Variants in BCKDHB observed in about 807,000 individuals in gnomAD.
BCKDHB encodes the protein 2-oxoisovalerate dehydrogenase subunit beta, mitochondrial.
Under a neutral mutation model 48.5 loss-of-function variants are expected in BCKDHB, and 41 were observed. The ratio of observed to expected loss-of-function variants is 0.85; its 90% CI spans 0.66 to 1.10. The LOEUF is 1.10. Ranked by LOEUF, BCKDHB falls within the 50% of genes least tolerant of loss-of-function variation. The pLI, the probability that BCKDHB is intolerant of heterozygous loss-of-function variation, is 0.00. For missense variants in BCKDHB, 496 were observed against 494.2 expected (o/e 1.00, Z -0.03); for synonymous variants, 201 against 174.8 (o/e 1.15, Z -1.18).
intron 8 of BCKDHB, among the ~76,000 whole-genome samples, chr6:80,246,952 C>G (rs1279276455): frequency 1.3e-5 from 2 of 151,862 alleles, no homozygotes; most frequent in African/African-American, 4.8e-5. Flanking sequence ...TAGTTAGACA[C>G]TTTGGTCCTT....
intron 8 of BCKDHB, among the ~76,000 whole-genome samples, chr6:80,244,829 A>G (rs978962730): frequency 6.6e-6 from 1 of 152,194 alleles, no homozygotes; most frequent in Non-Finnish European, 1.5e-5. Context: ...ACAAAAGATA[A>G]CTGTTTCTTT....
chr6:80,122,434 C>G (rs1017248608), intron 1 of BCKDHB, among the ~76,000 whole-genome samples: 2 of 152,086 alleles, frequency 1.3e-5, no homozygotes, highest in African/African-American at 2.4e-5. Context: ...CGGGGGAACC[C>G]ACCCCCAATA....
chr6:80,170,628 C>T (rs1161084518), intron 5 of BCKDHB, among the ~76,000 whole-genome samples: 1 of 152,138 alleles, frequency 6.6e-6, no homozygotes, highest in Admixed American at 6.6e-5. Flanking sequence ...GAGTGCTTGG[C>T]CAAGTTTACA....
intron 8 of BCKDHB, among the ~76,000 whole-genome samples, chr6:80,224,434 A>C: frequency 6.6e-6 from 1 of 151,724 alleles, no homozygotes. Context: ...ACTGTGTTGC[A>C]CAGGCCGCAG....
intron 8 of BCKDHB, among the ~76,000 whole-genome samples, chr6:80,205,364 G>T (rs960853752): frequency 6.6e-6 from 1 of 151,684 alleles, no homozygotes; most frequent in Non-Finnish European, 1.5e-5. Context: ...TCATTAGATC[G>T]CTGAGTTTTA....
At chr6:80,127,489 C>A in intron 1 of BCKDHB, 58 bp from the exon 2 acceptor site, 1 of 1,364,368 alleles carries the variant, frequency 7.3e-7, no homozygotes, top group Non-Finnish European at 1.0e-6. Context: ...TGTTAAGAAA[C>A]TGGTTGTTTT....
At chr6:80,386,557 C>G in the BCKDHB span, among the ~76,000 whole-genome samples, 1 of 152,088 alleles carries the variant, frequency 6.6e-6, no homozygotes, top group East Asian at 1.9e-4. Flanking sequence ...TGTAGTCACT[C>G]AACTACAAAA....
chr6:80,181,626 A>G (rs1248871193), intron 6 of BCKDHB, among the ~76,000 whole-genome samples: 4 of 152,166 alleles, frequency 2.6e-5, no homozygotes, highest in South Asian at 2.1e-4. Context: ...GCTTTGGTCT[A>G]TCTGTCCCTT....
chr6:80,229,744 A>G (rs1308919606), intron 8 of BCKDHB, among the ~76,000 whole-genome samples: 1 of 152,168 alleles, frequency 6.6e-6, no homozygotes, highest in African/African-American at 2.4e-5. Flanking sequence ...TTGAAATACA[A>G]TGACTGTTTA....
At chr6:80,337,875 G>A (rs1429196296) in intron 9 of BCKDHB, among the ~76,000 whole-genome samples, 1 of 152,116 alleles carries the variant, frequency 6.6e-6, no homozygotes, top group Non-Finnish European at 1.5e-5. Flanking sequence ...CTTATGATAT[G>A]TTTCTTAGTA....
At chr6:80,383,627 T>A in the BCKDHB span, among the ~76,000 whole-genome samples, 1 of 151,966 alleles carries the variant, frequency 6.6e-6, no homozygotes, top group Non-Finnish European at 1.5e-5. Flanking sequence ...AAATCCAAGT[T>A]CTTTTTTTTC....
the BCKDHB span, among the ~76,000 whole-genome samples, chr6:80,435,963 G>A: frequency 2.0e-5 from 3 of 152,156 alleles, no homozygotes; most frequent in African/African-American, 4.8e-5. Context: ...AAGCCAGGAG[G>A]CGGAGGTTGA....
At chr6:80,130,838 A>G (rs1770591101) in intron 3 of BCKDHB, among the ~76,000 whole-genome samples, 1 of 152,194 alleles carries the variant, frequency 6.6e-6, no homozygotes, top group Non-Finnish European at 1.5e-5. Context: ...ACACAGAATT[A>G]TACTTCTGTA....
At chr6:80,308,662 C>T (rs1438056450) in intron 9 of BCKDHB, among the ~76,000 whole-genome samples, 4 of 151,208 alleles carry the variant, frequency 2.6e-5, no homozygotes, top group African/African-American at 7.3e-5. Context: ...TGGCGTGATC[C>T]CGGCTCACTG....
chr6:80,333,829 T>A (rs913765126), intron 9 of BCKDHB, among the ~76,000 whole-genome samples: 3 of 152,204 alleles, frequency 2.0e-5, no homozygotes, highest in Non-Finnish European at 4.4e-5. Flanking sequence ...TGGGCATTTT[T>A]AATTTTATAT....
At chr6:80,340,521 C>T (rs913618389) in intron 9 of BCKDHB, among the ~76,000 whole-genome samples, 1 of 151,758 alleles carries the variant, frequency 6.6e-6, no homozygotes, top group African/African-American at 2.4e-5. Context: ...CTGCATAATA[C>T]ATGTAAGTCT....
intron 8 of BCKDHB, among the ~76,000 whole-genome samples, chr6:80,222,271 T>G (rs558833858): frequency 6.6e-6 from 1 of 152,316 alleles, no homozygotes; most frequent in African/African-American, 2.4e-5. Flanking sequence ...TAATTTTATA[T>G]GACAAAGCTG....
chr6:80,391,307 C>T, the BCKDHB span, among the ~76,000 whole-genome samples: 1 of 152,056 alleles, frequency 6.6e-6, no homozygotes, highest in Non-Finnish European at 1.5e-5. Context: ...CTGTCACTCT[C>T]ACCTTATATG....
At chr6:80,259,923 C>A (rs1202080465) in intron 8 of BCKDHB, among the ~76,000 whole-genome samples, 1 of 152,124 alleles carries the variant, frequency 6.6e-6, no homozygotes. Flanking sequence ...CAACTCCAAC[C>A]CCACACCATG....
Sources: allele counts gnomAD v4.1 joint callset (sites outside exome capture counted in the v4.1 genomes callset), GRCh38; gene constraint gnomAD v4.1.1; transcripts MANE v1.5; gene names NCBI Gene and HGNC (gene_info 2026-07-23, HGNC 2026-07-21).